DNAJC5: variants seen among roughly 807,000 people sequenced by gnomAD.
DNAJC5 encodes the protein DnaJ heat shock protein family (Hsp40) member C5.
In DNAJC5, 1 loss-of-function variant was observed where a neutral mutation model predicts 23.2. The ratio of observed to expected loss-of-function variants is 0.04; its 90% confidence interval spans 0.02 to 0.20. The LOEUF (loss-of-function observed/expected upper bound fraction) is 0.20, where lower values mean the gene tolerates loss of function less well. Among genes scored for constraint, DNAJC5 ranks in the 10% least tolerant of loss-of-function variants. The pLI is 1.00. For synonymous variants in DNAJC5, 136 were observed against 120.0 expected (o/e 1.13, Z -0.87); for missense variants, 180 against 267.0 (o/e 0.67, Z 2.27).
chr20:63,913,301 C>T (rs2146283277), intron 1 of DNAJC5, among the ~76,000 whole-genome samples: 1 of 152,260 alleles, frequency 6.6e-6, no homozygotes, highest in Middle Eastern at 3.4e-3. Context: ...GTCTCCTTCC[C>T]TCTCCTCCCG....
intron 1 of DNAJC5, among the ~76,000 whole-genome samples, chr20:63,903,956 C>G (rs528485878): frequency 3.0e-4 from 45 of 152,216 alleles, no homozygotes; most frequent in Admixed American, 7.2e-4. Flanking sequence ...CGTGGTGGTG[C>G]ATGCCTGTGG....
chr20:63,924,968 A>G (rs2146298846), intron 1 of DNAJC5, among the ~76,000 whole-genome samples: 1 of 152,344 alleles, frequency 6.6e-6, no homozygotes, highest in South Asian at 2.1e-4. Flanking sequence ...TACACTGGAC[A>G]TTGAAGGGTG....
At chr20:63,902,228 G>A (rs1022150971) in intron 1 of DNAJC5, among the ~76,000 whole-genome samples, 9 of 149,814 alleles carry the variant, frequency 6.0e-5, no homozygotes, top group East Asian at 2.0e-4. Context: ...CTAATTTTTC[G>A]TATTTTTAGT....
Position 63,920,347 on chromosome 20 carries a change from C to T in DNAJC5, c.-11-7988C>T, listed in dbSNP as rs6062587. Among the ~76,000 whole-genome samples the T allele has an allele frequency of 0.055, 8,354 of 152,292 alleles. 449 individuals carry two copies. The highest frequency in any genetic ancestry group is 0.23 in the East Asian group (1,189 of 5,166). On this transcript the variant is annotated intron_variant, in intron 1 of 4. Coordinates refer to ENST00000360864, the MANE Select transcript of DNAJC5 (RefSeq NM_025219.3). This position sits in a 1 kb window ranked among gnomAD's most constrained non-coding sequence, Gnocchi z 4.6. ...TGCCCGGGAACAGGTAGTCCTGCGTCGGACCGGGAAGTGTGGTGGGTGTGG... is the reference window on the plus strand; with the variant it reads ...TGCCCGGGAACAGGTAGTCCTGCGTTGGACCGGGAAGTGTGGTGGGTGTGG...
chr20:63,899,523 A>G (rs1049565767), intron 1 of DNAJC5, among the ~76,000 whole-genome samples: 1 of 152,262 alleles, frequency 6.6e-6, no homozygotes, highest in Non-Finnish European at 1.5e-5. Context: ...TTTAACTTGT[A>G]TGAGTTTTGC....
At position 63,932,015 on chromosome 20, in the gene DNAJC5, G is replaced by C. The variant is rs758406047; in HGVS notation, c.*447G>C. 1.6e-5 allele frequency: 5 copies of C among 322,514 alleles called. No homozygotes were observed. The highest frequency in any genetic ancestry group is 3.0e-5 in the Non-Finnish European group (5 of 164,616). 20.0% of individuals were successfully genotyped at this position (322,514 alleles called of 1,614,324 possible). A position where few individuals can be genotyped will look rare whatever the true frequency, so the allele number is the denominator to read the frequency against. ...TGCTGCCTGGCAGAGCTGTGTTACC[G>C]TCTTGGCCTCGGGGTCTGGTCCACA... On this transcript the variant is annotated 3_prime_UTR_variant, in exon 5 of 5. Coordinates refer to ENST00000360864, the MANE Select transcript of DNAJC5 (RefSeq NM_025219.3). The surrounding 1 kb of genome is among the most constrained non-coding windows in gnomAD (Gnocchi z 4.4).
At chr20:63,915,118 G>A (rs909933384) in intron 1 of DNAJC5, among the ~76,000 whole-genome samples, 1 of 152,282 alleles carries the variant, frequency 6.6e-6, no homozygotes, top group Middle Eastern at 3.4e-3. Flanking sequence ...GGGGCACTGG[G>A]TGGGCCTCAG....
chr20:63,925,867 G>A (rs950012473), intron 1 of DNAJC5, among the ~76,000 whole-genome samples: 9 of 137,900 alleles, frequency 6.5e-5, no homozygotes, highest in East Asian at 2.2e-4. Context: ...TCGCTGTGTC[G>A]CCCAGGCTGG....
rs768384234 is a variant in DNAJC5 at position 63,928,445 on chromosome 20, T to A, written c.100T>A (p.Ser34Thr). The A allele has an allele frequency of 2.5e-6, 4 of 1,613,840 alleles. No homozygotes were observed. Among genetic ancestry groups the A allele is most frequent in the Non-Finnish European group, 3.4e-6 (4 of 1,179,880 alleles). The change falls in exon 2 of 5, where the codon TCC (serine) becomes ACC (threonine). Residue 34 changes from serine (S) to threonine (T), a missense_variant. Around this residue, in one of 3 missense-constraint regions of DNAJC5, gnomAD observed 77 missense variants for 106.8 expected, o/e 0.72. Transcript: ENST00000360864. The surrounding 1 kb of genome is among the most constrained non-coding windows in gnomAD (Gnocchi z 4.6). Reference sequence around the variant, plus strand: ...CGCAACCTCAGATGACATTAAAAAGTCCTATCGGTAAGTGGACAAGTGTGG... The same window carrying A: ...CGCAACCTCAGATGACATTAAAAAGACCTATCGGTAAGTGGACAAGTGTGG... ...KNATSDDIKK[S>T]YRKLALKYHP...
rs1189587888 is a variant in DNAJC5, at chr20:63,929,830, A to G, written c.321+305A>G. Among the ~76,000 whole-genome samples the G allele has an allele frequency of 2.0e-5, 3 of 152,224 alleles. No individual in the cohort carries two copies. The highest frequency in any genetic ancestry group is 6.5e-5 in the Admixed American group (1 of 15,284). Reference sequence around the variant, plus strand: ...CCCATGCGTTGATGCCAGCAACTCTACACTCCTGAGAAAAGGCTTCTGGGC... The same window carrying G: ...CCCATGCGTTGATGCCAGCAACTCTGCACTCCTGAGAAAAGGCTTCTGGGC... On this transcript the variant is annotated intron_variant, in intron 3 of 4. Transcript: ENST00000360864. This position sits in a 1 kb window ranked among gnomAD's most constrained non-coding sequence, Gnocchi z 8.6.
chr20:63,923,394 A>G (rs928574838), intron 1 of DNAJC5, among the ~76,000 whole-genome samples: 7 of 151,668 alleles, frequency 4.6e-5, no homozygotes, highest in South Asian at 4.2e-4. Context: ...GTGAGCCAAG[A>G]TCGCACCACT....
intron 1 of DNAJC5, among the ~76,000 whole-genome samples, chr20:63,904,005 G>T (rs1436729345): frequency 6.6e-6 from 1 of 152,142 alleles, no homozygotes; most frequent in Non-Finnish European, 1.5e-5. Context: ...GCTGAGGTGG[G>T]AGGATCCCTG....
rs2053703543 is a variant in DNAJC5 at position 63,934,717 on chromosome 20, G to A, written c.*3149G>A. 6.6e-6 allele frequency: 1 copy of A among 152,260 alleles called. No homozygotes were observed. The highest frequency in any genetic ancestry group is 1.5e-5 in the Non-Finnish European group (1 of 68,052). The allele number at this position is 152,260 out of a possible 1,614,324, so 9.4% of individuals were successfully genotyped here. On this transcript the variant is annotated 3_prime_UTR_variant, in exon 5 of 5. Coordinates refer to ENST00000360864, the MANE Select transcript of DNAJC5 (RefSeq NM_025219.3). ...GTTGTTAGTGCAGCCAGCACCCAGT[G>A]GGGACCTACTAGAAAAAGGAACTGG... is the stretch of plus-strand genomic sequence containing the variant.
At chr20:63,903,064 C>T (rs2053425167) in intron 1 of DNAJC5, among the ~76,000 whole-genome samples, 2 of 152,210 alleles carry the variant, frequency 1.3e-5, no homozygotes, top group South Asian at 4.2e-4. Flanking sequence ...CTGCATTCTC[C>T]CAGGCCCAAG....
chr20:63,919,081 G>A (rs2053540272), intron 1 of DNAJC5, among the ~76,000 whole-genome samples: 2 of 152,214 alleles, frequency 1.3e-5, no homozygotes, highest in African/African-American at 4.8e-5. Flanking sequence ...CACACACTGA[G>A]ATTGCACCTG....
chr20:63,918,300 C>T (rs971789889), intron 1 of DNAJC5, among the ~76,000 whole-genome samples: 2 of 152,106 alleles, frequency 1.3e-5, no homozygotes, highest in East Asian at 1.9e-4. Flanking sequence ...GAGATCACTT[C>T]AGCCTGGGAG....
Position 63,928,250 on chromosome 20 carries a change from G to A in DNAJC5, c.-11-85G>A, listed in dbSNP as rs956158014. On this transcript the variant is annotated intron_variant, in intron 1 of 4. Coordinates refer to ENST00000360864, the MANE Select transcript of DNAJC5 (RefSeq NM_025219.3). This position sits in a 1 kb window ranked among gnomAD's most constrained non-coding sequence, Gnocchi z 4.6. ...AGTGTTGGATTCTTTTGCTTTGAAC[G>A]GTCTTATGGAATAAAGTCCATCAGC... 20 of 1,110,282 alleles carry A rather than the reference G, an allele frequency of 1.8e-5. No homozygotes were observed. The highest frequency in any genetic ancestry group is 3.7e-5 in the Admixed American group (2 of 54,388). 68.8% of individuals were successfully genotyped at this position (1,110,282 alleles called of 1,614,324 possible).
At position 63,928,306 on chromosome 20, in the gene DNAJC5, T is replaced by C; in HGVS notation, c.-11-29T>C. Reference sequence around the variant, plus strand: ...CCTTGGTACTTTCATCTATACTTTGTGATACTTTCTTTTTATTTTTTCTTC... The same window carrying C: ...CCTTGGTACTTTCATCTATACTTTGCGATACTTTCTTTTTATTTTTTCTTC... On this transcript the variant is annotated intron_variant, in intron 1 of 4. Transcript: ENST00000360864. The surrounding 1 kb of genome is among the most constrained non-coding windows in gnomAD (Gnocchi z 4.6). The C allele has an allele frequency of 6.4e-7, 1 of 1,570,022 alleles. No individual in the cohort carries two copies. Among genetic ancestry groups the C allele is most frequent in the Non-Finnish European group, 8.8e-7 (1 of 1,142,602 alleles).
chr20:63,930,420 T>C (rs2053658754), intron 3 of DNAJC5, among the ~76,000 whole-genome samples: 1 of 152,112 alleles, frequency 6.6e-6, no homozygotes, highest in South Asian at 2.1e-4. Flanking sequence ...CGATCTTGGC[T>C]CACTGCAAGC....
Sources: gnomAD v4.1 joint callset for allele counts (sites outside exome capture counted in the v4.1 genomes callset) on GRCh38, gnomAD v4.1.1 for gene constraint, gnomAD v4.1.1 regional missense constraint, Gnocchi (gnomAD v3.1) non-coding constraint, MANE v1.5 for transcripts, NCBI Gene and HGNC (gene_info 2026-07-23, HGNC 2026-07-21) for gene names.